The following CASTOR2 variants were observed in gnomAD, a reference collection of about 807,000 sequenced individuals.
CASTOR2 encodes the protein GATS protein like 2.
In CASTOR2, 8 loss-of-function variants were observed where a neutral mutation model predicts 31.2. The ratio of observed to expected loss-of-function variants is 0.26; its 90% CI spans 0.15 to 0.46. The LOEUF (loss-of-function observed/expected upper bound fraction) is 0.46. Among genes scored for constraint, CASTOR2 ranks in the 20% least tolerant of loss-of-function variants. The pLI is 0.99. For synonymous variants in CASTOR2, 162 were observed against 158.7 expected, an observed-to-expected ratio of 1.02 and a Z score of -0.16; for missense variants, 216 against 382.1, an observed-to-expected ratio of 0.57 and a Z score of 3.62.
At chr7:74,986,791 A>T (rs1401359237) in intron 1 of CASTOR2, among the ~76,000 whole-genome samples, 1 of 152,184 alleles carries the variant, frequency 6.6e-6, no homozygotes, top group Admixed American at 6.5e-5. Flanking sequence ...CACGCCTGTC[A>T]TCCCAGCACT....
At chr7:75,007,037 C>G (rs1804622470) in intron 1 of CASTOR2, among the ~76,000 whole-genome samples, 1 of 152,156 alleles carries the variant, frequency 6.6e-6, no homozygotes, top group Non-Finnish European at 1.5e-5. Context: ...AGAGCCCATG[C>G]CCGGCTTTGT....
chr7:75,011,746 A>AC (rs1804753191), intron 2 of CASTOR2, among the ~76,000 whole-genome samples: 1 of 122,268 alleles, frequency 8.2e-6, no homozygotes, highest in African/African-American at 5.5e-5. Context: ...AAAAAAAAAA[A>AC]CCAAAAAAAA....
At chr7:75,002,810 C>A (rs1804526552) in intron 1 of CASTOR2, among the ~76,000 whole-genome samples, 1 of 151,676 alleles carries the variant, frequency 6.6e-6, no homozygotes, top group Non-Finnish European at 1.5e-5. Flanking sequence ...ACATGGGGTC[C>A]TGTGGAGTGG....
intron 5 of CASTOR2, among the ~76,000 whole-genome samples, chr7:75,019,767 A>T (rs1187454113): frequency 1.3e-5 from 2 of 152,234 alleles, no homozygotes; most frequent in Non-Finnish European, 2.9e-5. Context: ...GCATGCTGAC[A>T]GTCACCACAG....
At chr7:74,995,681 G>A (rs1400920772) in intron 1 of CASTOR2, among the ~76,000 whole-genome samples, 10 of 151,948 alleles carry the variant, frequency 6.6e-5, no homozygotes, top group East Asian at 1.9e-4. Context: ...GGTGGCAGGC[G>A]CCTGTAGTCC....
intron 1 of CASTOR2, among the ~76,000 whole-genome samples, chr7:75,000,441 C>T (rs1302771882): frequency 2.0e-5 from 3 of 152,118 alleles, no homozygotes; most frequent in African/African-American, 7.2e-5. Flanking sequence ...GCAAGAAACA[C>T]CCCTGTCCTT....
intron 1 of CASTOR2, among the ~76,000 whole-genome samples, chr7:75,004,867 GT>G (rs1200983923): frequency 3.3e-5 from 5 of 151,962 alleles, no homozygotes; most frequent in Middle Eastern, 3.4e-3. Flanking sequence ...ATCTTGTGAG[GT>G]TTTTTTGTTT....
intron 1 of CASTOR2, among the ~76,000 whole-genome samples, chr7:74,997,282 C>T (rs1163256689): frequency 6.6e-6 from 1 of 151,832 alleles, no homozygotes; most frequent in Non-Finnish European, 1.5e-5. Context: ...AGGCTGGTCA[C>T]CTGGTGCTTT....
At chr7:75,023,166 G>A (rs1584478969) in intron 7 of CASTOR2, among the ~76,000 whole-genome samples, 1 of 152,066 alleles carries the variant, frequency 6.6e-6, no homozygotes, top group Non-Finnish European at 1.5e-5. Context: ...AAATTAGCCG[G>A]TCGTGGTGGC....
intron 2 of CASTOR2, among the ~76,000 whole-genome samples, chr7:75,012,507 A>G (rs1804774596): frequency 6.6e-6 from 1 of 151,366 alleles, no homozygotes; most frequent in Non-Finnish European, 1.5e-5. Context: ...GGGTTTCACC[A>G]TGTTGGCAAG....
At chr7:75,004,214 C>G (rs1804559930) in intron 1 of CASTOR2, among the ~76,000 whole-genome samples, 1 of 152,130 alleles carries the variant, frequency 6.6e-6, no homozygotes, top group South Asian at 2.1e-4. Context: ...GGGTCCGGGC[C>G]TGACCAGTGA....
At chr7:75,018,248 G>A (rs1463960892) in intron 4 of CASTOR2, 126 bp downstream of exon 4, 2 of 1,505,958 alleles carry the variant, frequency 1.3e-6, no homozygotes, top group Admixed American at 2.0e-5. Flanking sequence ...AGGCAGAACG[G>A]GATGCAAAGG....
intron 1 of CASTOR2, among the ~76,000 whole-genome samples, chr7:74,991,320 C>T (rs1804206887): frequency 6.6e-6 from 1 of 152,162 alleles, no homozygotes; most frequent in South Asian, 2.1e-4. Context: ...TCTCACTGTA[C>T]AGCTGGAGAA....
chr7:74,976,997 C>A (rs1291565735), intron 1 of CASTOR2, among the ~76,000 whole-genome samples: 1 of 150,410 alleles, frequency 6.6e-6, no homozygotes, highest in African/African-American at 2.5e-5. Flanking sequence ...CCAGCCCGGC[C>A]AACAAGGTGA....
At chr7:74,989,153 A>G (rs2131928661) in intron 1 of CASTOR2, among the ~76,000 whole-genome samples, 1 of 151,214 alleles carries the variant, frequency 6.6e-6, no homozygotes, top group Non-Finnish European at 1.5e-5. Context: ...ACAAAATTTT[A>G]CGGGGTTTCA....
At position 75,025,587 on chromosome 7, in the gene CASTOR2, T is replaced by C. The variant is rs1161211644; in HGVS notation, c.*888T>C. Among the ~76,000 whole-genome samples the C allele has an allele frequency of 3.9e-5, 6 of 152,178 alleles. No individual in the cohort carries two copies. Among genetic ancestry groups the C allele is most frequent in the South Asian group, 2.1e-4 (1 of 4,830 alleles). On this transcript the variant is annotated 3_prime_UTR_variant, in exon 9 of 9. Transcript: ENST00000616305. ...TCCCCAACAGACAACTAGACCAGCA[T>C]AGGACTCCCCGCCGTCCTCCTCCCT...
intron 1 of CASTOR2, among the ~76,000 whole-genome samples, chr7:74,973,075 A>G (rs1563053185): frequency 6.7e-6 from 1 of 149,924 alleles, no homozygotes; most frequent in Non-Finnish European, 1.5e-5. Context: ...GGCTGAGGCC[A>G]CTGTCTAATT....
chr7:74,998,160 C>A (rs1179896540), intron 1 of CASTOR2, among the ~76,000 whole-genome samples: 6 of 152,152 alleles, frequency 3.9e-5, no homozygotes, highest in African/African-American at 1.4e-4. Context: ...CTCCTTTAAC[C>A]CAACTAAGCT....
intron 2 of CASTOR2, among the ~76,000 whole-genome samples, chr7:75,015,186 A>G (rs1410032393): frequency 6.6e-6 from 1 of 152,188 alleles, no homozygotes; most frequent in Non-Finnish European, 1.5e-5. Flanking sequence ...CTTGCCTGCC[A>G]GCAGAGCCCA....
Sources: gnomAD v4.1 joint callset for allele counts (sites outside exome capture counted in the v4.1 genomes callset) on GRCh38, gnomAD v4.1.1 for gene constraint, MANE v1.5 for transcripts, NCBI Gene and HGNC (gene_info 2026-07-23, HGNC 2026-07-21) for gene names.